PTPRD: variants seen among roughly 807,000 people sequenced by gnomAD.
The protein encoded by PTPRD is receptor-type tyrosine-protein phosphatase delta.
PTPRD carries 34 observed loss-of-function variants against 214.5 expected under a neutral mutation model. The ratio of observed to expected loss-of-function variants is 0.16; its 90% confidence interval spans 0.12 to 0.21. PTPRD has a LOEUF of 0.21. Ranked by LOEUF, PTPRD falls within the 10% of genes least tolerant of loss-of-function variation. The pLI, the probability that PTPRD is intolerant of heterozygous loss-of-function variation, is 1.00. For synonymous variants in PTPRD, 1,128 were observed against 845.7 expected (o/e 1.33, Z -5.79); for missense variants, 2,545 against 2,398.7 (o/e 1.06, Z -1.27).
chr9:8,471,996 G>C (rs538483815), intron 30 of PTPRD, among the ~76,000 whole-genome samples: 1 of 152,200 alleles, frequency 6.6e-6, no homozygotes, highest in African/African-American at 2.4e-5. Context: ...AGGTATTATA[G>C]TAAATGCATA....
chr9:9,646,702 A>G (rs2096191972), intron 7 of PTPRD, among the ~76,000 whole-genome samples: 2 of 152,234 alleles, frequency 1.3e-5, no homozygotes, highest in South Asian at 4.1e-4. Flanking sequence ...CCCTCAGTGG[A>G]TGCCTGAAAC....
chr9:9,849,797 G>C (rs189587793), intron 5 of PTPRD, among the ~76,000 whole-genome samples: 1 of 152,014 alleles, frequency 6.6e-6, no homozygotes, highest in Non-Finnish European at 1.5e-5. Flanking sequence ...AAGCCTCTAA[G>C]AATCAAATCA....
At chr9:10,480,126 A>T (rs1342184004) in intron 2 of PTPRD, among the ~76,000 whole-genome samples, 1 of 151,858 alleles carries the variant, frequency 6.6e-6, no homozygotes, top group African/African-American at 2.4e-5. Context: ...AACAAAAAAC[A>T]AACAAAAAAT....
At chr9:10,129,745 A>G (rs2154256228) in intron 3 of PTPRD, among the ~76,000 whole-genome samples, 1 of 152,052 alleles carries the variant, frequency 6.6e-6, no homozygotes, top group East Asian at 1.9e-4. Context: ...TGTAAATGTC[A>G]TTTGTGTGTC....
At chr9:10,009,747 G>A (rs780742929) in intron 4 of PTPRD, among the ~76,000 whole-genome samples, 7 of 151,944 alleles carry the variant, frequency 4.6e-5, no homozygotes, top group East Asian at 1.9e-4. Flanking sequence ...TTGCAGGGCC[G>A]TTTCAAAATA....
chr9:9,293,327 T>C (rs907814604), intron 9 of PTPRD, among the ~76,000 whole-genome samples: 1 of 151,302 alleles, frequency 6.6e-6, no homozygotes, highest in East Asian at 2.0e-4. Flanking sequence ...ATTTGGCCAT[T>C]GGGAGCTCTT....
intron 5 of PTPRD, chr9:9,799,746 T>C (rs922884603): frequency 2.0e-5 from 3 of 152,008 alleles, no homozygotes; most frequent in Admixed American, 6.6e-5. Context: ...CCAATGAATA[T>C]AAATAAAGGG....
intron 10 of PTPRD, among the ~76,000 whole-genome samples, chr9:9,097,844 G>C (rs370536783): frequency 6.6e-6 from 1 of 152,092 alleles, no homozygotes; most frequent in African/African-American, 2.4e-5. Flanking sequence ...AGCCTTGAAA[G>C]ATAGAGATGG....
intron 7 of PTPRD, among the ~76,000 whole-genome samples, chr9:9,644,984 A>T (rs1046473340): frequency 2.6e-5 from 4 of 152,214 alleles, no homozygotes; most frequent in African/African-American, 9.6e-5. Context: ...GGTTACCAAG[A>T]GGGCAGGGTG....
intron 27 of PTPRD, among the ~76,000 whole-genome samples, chr9:8,491,655 A>AT (rs976076285): frequency 9.7e-5 from 13 of 134,410 alleles, no homozygotes; most frequent in African/African-American, 2.4e-4. Flanking sequence ...ATACAATGGT[A>AT]TTTAAAAAAA....
intron 7 of PTPRD, among the ~76,000 whole-genome samples, chr9:9,646,993 G>T (rs1388925049): frequency 2.6e-5 from 4 of 152,024 alleles, no homozygotes; most frequent in Non-Finnish European, 4.4e-5. Flanking sequence ...ATACTGTTGT[G>T]GACATTTATA....
chr9:10,470,511 G>C (rs1429531597), intron 2 of PTPRD, among the ~76,000 whole-genome samples: 1 of 152,080 alleles, frequency 6.6e-6, no homozygotes, highest in Non-Finnish European at 1.5e-5. Context: ...AAAGTATGAA[G>C]ACTTCCAGGG....
intron 10 of PTPRD, among the ~76,000 whole-genome samples, chr9:9,170,843 TGGA>T (rs374022764): frequency 1.3e-5 from 2 of 152,262 alleles, no homozygotes; most frequent in African/African-American, 4.8e-5. Flanking sequence ...AACAATTGAC[TGGA>T]GAATGAGAGT....
intron 4 of PTPRD, among the ~76,000 whole-genome samples, chr9:9,979,695 T>C (rs1484865849): frequency 6.6e-6 from 1 of 152,162 alleles, no homozygotes. Context: ...TTATAGATTG[T>C]GAATAATTAA....
At chr9:9,324,217 G>A (rs914509956) in intron 9 of PTPRD, among the ~76,000 whole-genome samples, 7 of 152,132 alleles carry the variant, frequency 4.6e-5, no homozygotes, top group Non-Finnish European at 8.8e-5. Flanking sequence ...TAATGGGATG[G>A]CTGGGTCAAA....
At chr9:10,143,453 T>C (rs1276295485) in intron 3 of PTPRD, among the ~76,000 whole-genome samples, 1 of 152,094 alleles carries the variant, frequency 6.6e-6, no homozygotes, top group African/African-American at 2.4e-5. Context: ...ACTTGTACAC[T>C]GTTGGTGGGG....
chr9:9,835,699 T>A (rs1229829143), intron 5 of PTPRD, among the ~76,000 whole-genome samples: 2 of 152,094 alleles, frequency 1.3e-5, no homozygotes, highest in African/African-American at 4.8e-5. Context: ...CCAAAGTAAG[T>A]ATTTCCTGAT....
chr9:8,941,964 C>T (rs374369003), intron 11 of PTPRD, among the ~76,000 whole-genome samples: 44 of 152,240 alleles, frequency 2.9e-4, no homozygotes, highest in African/African-American at 9.6e-4. Context: ...CACTACCATG[C>T]CCAGCTAATT....
intron 35 of PTPRD, among the ~76,000 whole-genome samples, chr9:8,429,758 C>T (rs56139175): frequency 0.018 from 2,771 of 152,230 alleles, 34 homozygotes; most frequent in Non-Finnish European, 0.025. Flanking sequence ...CATCCAGAGA[C>T]GGCAGCAAAT....
Sources: allele counts gnomAD v4.1 joint callset (sites outside exome capture counted in the v4.1 genomes callset), GRCh38; gene constraint gnomAD v4.1.1; transcripts MANE v1.5; gene names NCBI Gene and HGNC (gene_info 2026-07-23, HGNC 2026-07-21).